The following SLC25A26 variants were observed in gnomAD, a reference collection of about 807,000 sequenced individuals.
The protein encoded by SLC25A26 is mitochondrial S-adenosylmethionine carrier protein.
SLC25A26 carries 36 observed loss-of-function variants against 37.8 expected under a neutral mutation model. The observed-to-expected ratio is 0.95, with a 90% CI of 0.73 to 1.26. The LOEUF is 1.26. Ranked by LOEUF, SLC25A26 falls within the 50% of genes most tolerant of loss-of-function variation. SLC25A26 has a pLI of 0.00. For missense variants in SLC25A26, 390 were observed against 331.1 expected (o/e 1.18, Z -1.38); for synonymous variants, 129 against 122.5 (o/e 1.05, Z -0.35).
chr3:66,349,049 A>G (rs1160694016), intron 6 of SLC25A26, among the ~76,000 whole-genome samples: 1 of 152,220 alleles, frequency 6.6e-6, no homozygotes, highest in Non-Finnish European at 1.5e-5. Flanking sequence ...AATTCTGCAA[A>G]GGAATGTTTT....
At chr3:66,290,695 G>C (rs1164959808) in intron 5 of SLC25A26, among the ~76,000 whole-genome samples, 1 of 152,186 alleles carries the variant, frequency 6.6e-6, no homozygotes, top group Non-Finnish European at 1.5e-5. Flanking sequence ...GCTTGTCGGT[G>C]TGCTGCTGGA....
chr3:66,364,520 C>G (rs1324749671), intron 7 of SLC25A26, among the ~76,000 whole-genome samples: 3 of 152,158 alleles, frequency 2.0e-5, no homozygotes, highest in African/African-American at 7.2e-5. Context: ...TCTCTTTTTG[C>G]TCCCCAACTC....
At chr3:66,347,581 G>A (rs370707154) in intron 6 of SLC25A26, among the ~76,000 whole-genome samples, 24 of 152,284 alleles carry the variant, frequency 1.6e-4, no homozygotes, top group African/African-American at 5.5e-4. Flanking sequence ...TCTCAAAGAC[G>A]TAGAACCAGA....
Position 66,162,281 on chromosome 3 carries a change from G to A in SLC25A26, c.-354+28297G>A, listed in dbSNP as rs1458501570. ...CCTTACTTACCTCTTTAAAGGCCCCGTCTCCAAATAGAGTCACATTCTGAG... is the reference window on the plus strand; with the variant it reads ...CCTTACTTACCTCTTTAAAGGCCCCATCTCCAAATAGAGTCACATTCTGAG... On this transcript the variant is annotated intron_variant, in intron 1 of 10. Coordinates refer to the SLC25A26 transcript ENST00000676754. Among the ~76,000 whole-genome samples, 5 of 148,254 alleles carry A rather than the reference G, an allele frequency of 3.4e-5. No homozygotes were observed. In the East Asian group the frequency reaches 6.0e-4, roughly 18 times the overall value.
chr3:66,152,211 A>G (rs1434481143), intron 1 of SLC25A26, among the ~76,000 whole-genome samples: 3 of 152,178 alleles, frequency 2.0e-5, no homozygotes, highest in Non-Finnish European at 2.9e-5. Context: ...GGAGCCTGAG[A>G]TTCTTCATTT....
intron 1 of SLC25A26, among the ~76,000 whole-genome samples, chr3:66,140,415 A>G (rs942438406): frequency 3.3e-5 from 5 of 152,162 alleles, no homozygotes; most frequent in African/African-American, 1.2e-4. Context: ...GGCTCCTCAA[A>G]GAAAAAATCC....
chr3:66,182,716 C>CGGGGGGGGGGGGGGGGGGG (rs539207365), intron 1 of SLC25A26, among the ~76,000 whole-genome samples: 1 of 87,540 alleles, frequency 1.1e-5, no homozygotes, highest in African/African-American at 4.7e-5. Flanking sequence ...CAGTGGGCGG[C>CGGGGGGGGGGGGGGGGGGG]GGGGGGGGGG....
At chr3:66,350,939 C>T (rs553657461) in intron 6 of SLC25A26, among the ~76,000 whole-genome samples, 38 of 152,208 alleles carry the variant, frequency 2.5e-4, no homozygotes, top group African/African-American at 6.7e-4. Context: ...ATTGCCCTTA[C>T]CACAGATTTG....
At chr3:66,236,850 T>A (rs1281526080) in intron 2 of SLC25A26, 150 bp downstream of exon 2, 18 of 611,538 alleles carry the variant, frequency 2.9e-5, no homozygotes, top group Non-Finnish European at 4.5e-5. Context: ...ATTTTTTATT[T>A]ATTTTAGTCA....
At chr3:66,156,862 G>A (rs1285350225) in intron 1 of SLC25A26, among the ~76,000 whole-genome samples, 1 of 152,010 alleles carries the variant, frequency 6.6e-6, no homozygotes, top group Non-Finnish European at 1.5e-5. Flanking sequence ...TTCAACTTTA[G>A]GCCTCTTAGA....
intron 5 of SLC25A26, among the ~76,000 whole-genome samples, chr3:66,344,378 G>C (rs995833100): frequency 1.3e-5 from 2 of 151,968 alleles, no homozygotes; most frequent in African/African-American, 4.8e-5. Flanking sequence ...CAGGAGAATT[G>C]CTTGAGCCCA....
At chr3:66,147,705 G>A (rs562898152) in intron 1 of SLC25A26, among the ~76,000 whole-genome samples, 3 of 152,224 alleles carry the variant, frequency 2.0e-5, no homozygotes, top group Non-Finnish European at 2.9e-5. Context: ...ATTCCCACCA[G>A]CAATGTAAAA....
intron 6 of SLC25A26, among the ~76,000 whole-genome samples, chr3:66,356,561 T>G (rs994165200): frequency 2.0e-5 from 3 of 152,212 alleles, no homozygotes; most frequent in African/African-American, 7.2e-5. Context: ...TTAATAGTGT[T>G]GTACCAATCT....
At chr3:66,240,826 A>C (rs1378987656) in intron 2 of SLC25A26, among the ~76,000 whole-genome samples, 1 of 149,866 alleles carries the variant, frequency 6.7e-6, no homozygotes, top group Non-Finnish European at 1.5e-5. Context: ...GCTCACTGCA[A>C]GCTCCGCCTC....
chr3:66,263,909 C>T lies in SLC25A26; in HGVS notation c.453+530C>T, dbSNP rs541505418. Reference sequence around the variant, plus strand: ...TCCTGACCTCATGATCCTCCCGCCTCGGCCTCCCAAAGTGCTGGGATTACA... The same window carrying T: ...TCCTGACCTCATGATCCTCCCGCCTTGGCCTCCCAAAGTGCTGGGATTACA... On this transcript the variant is annotated intron_variant, in intron 5 of 9. Coordinates refer to ENST00000354883, the MANE Select transcript of SLC25A26 (RefSeq NM_001379210.1). Among the ~76,000 whole-genome samples, 450 of 152,196 alleles carry T rather than the reference C, an allele frequency of 3.0e-3. 5 individuals carry two copies. The highest frequency in any genetic ancestry group is 0.01 in the African/African-American group (427 of 41,558).
intron 1 of SLC25A26, among the ~76,000 whole-genome samples, chr3:66,156,961 G>A (rs943100543): frequency 6.6e-6 from 1 of 152,158 alleles, no homozygotes; most frequent in Non-Finnish European, 1.5e-5. Context: ...GGCCGGGCAT[G>A]GTAGCTCACA....
chr3:66,245,734 T>G (rs1414537724), intron 3 of SLC25A26, among the ~76,000 whole-genome samples: 1 of 151,942 alleles, frequency 6.6e-6, no homozygotes, highest in African/African-American at 2.4e-5. Flanking sequence ...ATAAGTGAAC[T>G]GGGGATATGG....
chr3:66,243,050 A>G (rs1419639898), intron 2 of SLC25A26, 153 bp from the exon 3 acceptor site: 2 of 154,056 alleles, frequency 1.3e-5, no homozygotes, highest in African/African-American at 4.8e-5. Flanking sequence ...AAACTCTGAA[A>G]GAGTGGGGGT....
intron 5 of SLC25A26, among the ~76,000 whole-genome samples, chr3:66,313,807 T>A: frequency 6.6e-6 from 1 of 152,204 alleles, no homozygotes; most frequent in East Asian, 1.9e-4. Flanking sequence ...GTGCAGTGGT[T>A]TGTAGTTCAT....
Sources: gnomAD v4.1 joint callset for allele counts (sites outside exome capture counted in the v4.1 genomes callset) on GRCh38, gnomAD v4.1.1 for gene constraint, MANE v1.5 for transcripts, NCBI Gene and HGNC (gene_info 2026-07-23, HGNC 2026-07-21) for gene names.